The following UNC5B variants were observed in gnomAD, a reference collection of about 807,000 sequenced individuals.
The protein encoded by UNC5B is unc-5 netrin receptor B.
A neutral mutation model predicts 103.7 loss-of-function variants in UNC5B; 56 were observed. The observed-to-expected ratio is 0.54, with a 90% CI of 0.44 to 0.67. The LOEUF is 0.67. Ranked by LOEUF, UNC5B falls within the 30% of genes least tolerant of loss-of-function variation. The pLI, the probability that UNC5B is intolerant of heterozygous loss-of-function variation, is 0.00. For missense variants in UNC5B, 1,194 were observed against 1,284.5 expected, an observed-to-expected ratio of 0.93 and a Z score of 1.08; for synonymous variants, 577 against 542.0, an observed-to-expected ratio of 1.06 and a Z score of -0.90.
intron 8 of UNC5B, 93 bp from the exon 9 acceptor site, chr10:71,290,822 C>G (rs1160694153): frequency 1.4e-6 from 2 of 1,457,216 alleles, no homozygotes; most frequent in Non-Finnish European, 1.8e-6. Context: ...CCGGTTGGCC[C>G]TGGGCCCTGC....
chr10:71,274,235 C>T (rs777671970), intron 1 of UNC5B, among the ~76,000 whole-genome samples: 68 of 23,286 alleles, frequency 2.9e-3, no homozygotes, highest in Non-Finnish European at 0.016. Flanking sequence ...GTGGCGGGTG[C>T]CTGTAATCCC....
At chr10:71,220,437 T>C (rs1336352288) in intron 1 of UNC5B, among the ~76,000 whole-genome samples, 4 of 152,178 alleles carry the variant, frequency 2.6e-5, no homozygotes, top group South Asian at 2.1e-4. Flanking sequence ...TCACCACCTC[T>C]GGGAACCCCC....
chr10:71,295,360 A>G (rs12258920), intron 13 of UNC5B, among the ~76,000 whole-genome samples: 2 of 140,940 alleles, frequency 1.4e-5, no homozygotes, highest in African/African-American at 2.9e-5. Flanking sequence ...CCATCTGTCC[A>G]TCTGTTCATC....
At chr10:71,286,594 C>G in intron 4 of UNC5B, 95 bp from the exon 5 acceptor site, 1 of 1,495,016 alleles carries the variant, frequency 6.7e-7, no homozygotes, top group East Asian at 2.3e-5. Flanking sequence ...CTCACTGCCA[C>G]GACTATGGCG....
intron 1 of UNC5B, among the ~76,000 whole-genome samples, chr10:71,237,691 T>A (rs1411048998): frequency 6.6e-6 from 1 of 152,234 alleles, no homozygotes; most frequent in Non-Finnish European, 1.5e-5. Context: ...GCCTCCTGCC[T>A]CCATCTCCAG....
chr10:71,297,085 T>C (rs73278237), intron 15 of UNC5B, among the ~76,000 whole-genome samples: 3,293 of 148,568 alleles, frequency 0.022, 95 homozygotes, highest in African/African-American at 0.039. Context: ...ACCACGCTGG[T>C]GGAGGTGAGG....
intron 9 of UNC5B, 126 bp downstream of exon 9, chr10:71,291,235 T>G: frequency 7.4e-7 from 1 of 1,348,054 alleles, no homozygotes; most frequent in Non-Finnish European, 1.0e-6. Context: ...GCTCTAGAGA[T>G]AACTATGTGG....
At chr10:71,288,502 TG>T in intron 6 of UNC5B, 65 bp from the exon 7 acceptor site, 12 of 1,565,806 alleles carry the variant, frequency 7.7e-6, no homozygotes, top group Non-Finnish European at 9.5e-6. Context: ...TGCTCTGTTC[TG>T]CACACATAAC....
intron 10 of UNC5B, 118 bp downstream of exon 10, chr10:71,291,939 G>C: frequency 7.1e-7 from 1 of 1,402,018 alleles, no homozygotes; most frequent in Admixed American, 2.8e-5. Flanking sequence ...GATGGGGAAA[G>C]GGAGGCCTGA....
Position 71,212,904 on chromosome 10 carries a change from G to GCGGCGGCGGAGA in UNC5B, c.-72_-61dup. On this transcript the variant is annotated 5_prime_UTR_variant, in exon 1 of 17. Transcript: ENST00000335350. The stretch of plus-strand genomic sequence containing the variant: ...CGGGGAGGACGGCGAGGAGGAGGCG[G>GCGGCGGCGGAGA]CGGCGGCGGAGACGGCGGCGGCGAG... The GCGGCGGCGGAGA allele has an allele frequency of 8.9e-7, 1 of 1,127,606 alleles. No homozygotes were observed. Among genetic ancestry groups the GCGGCGGCGGAGA allele is most frequent in the Non-Finnish European group, 1.1e-6 (1 of 891,092 alleles). 69.9% of individuals were successfully genotyped at this position (1,127,606 alleles called of 1,614,324 possible).
intron 1 of UNC5B, among the ~76,000 whole-genome samples, chr10:71,248,578 T>C (rs1474080844): frequency 6.6e-6 from 1 of 152,178 alleles, no homozygotes; most frequent in Non-Finnish European, 1.5e-5. Flanking sequence ...ATTTATGTAT[T>C]AGGCAGAATG....
intron 13 of UNC5B, 116 bp from the exon 14 acceptor site, chr10:71,295,695 C>G (rs1199409928): frequency 6.2e-6 from 8 of 1,297,180 alleles, no homozygotes; most frequent in African/African-American, 1.5e-5. Context: ...TGAGCTCTTG[C>G]AAATGCCCAG....
chr10:71,247,563 C>T (rs1464969499), intron 1 of UNC5B, among the ~76,000 whole-genome samples: 2 of 152,204 alleles, frequency 1.3e-5, no homozygotes, highest in African/African-American at 4.8e-5. Flanking sequence ...AGCTCCCAGA[C>T]CTGACCCTCT....
chr10:71,287,529 G>A (rs940815332), intron 5 of UNC5B, 69 bp from the exon 6 acceptor site: 119 of 1,512,440 alleles, frequency 7.9e-5, no homozygotes, highest in Admixed American at 3.5e-4. Flanking sequence ...GTCAGGGTGA[G>A]GGACGGGTTT....
At position 71,213,838 on chromosome 10, in the gene UNC5B, G is replaced by C. The variant is rs970739053; in HGVS notation, c.79+774G>C. Among the ~76,000 whole-genome samples, 4 of 151,448 alleles carry C rather than the reference G, an allele frequency of 2.6e-5. No individual in the cohort carries two copies. The East Asian group carries it at 7.8e-4, about 29-fold the overall frequency. On this transcript the variant is annotated intron_variant, in intron 1 of 16. Coordinates refer to ENST00000335350, the MANE Select transcript of UNC5B (RefSeq NM_170744.5). The surrounding 1 kb of genome is among the most constrained non-coding windows in gnomAD (Gnocchi z 4.1). ...GGTCACTGACATTCTCGCTGTCCGG[G>C]GAACAGACTAGGTGCGCTCTCCTTG... is the stretch of plus-strand genomic sequence containing the variant.
intron 1 of UNC5B, among the ~76,000 whole-genome samples, chr10:71,242,369 G>A (rs1312946121): frequency 1.3e-5 from 2 of 152,224 alleles, no homozygotes; most frequent in African/African-American, 4.8e-5. Flanking sequence ...GAGGTCCCCC[G>A]AGCTAGTTCA....
intron 11 of UNC5B, among the ~76,000 whole-genome samples, chr10:71,292,945 A>G (rs1038915419): frequency 2.6e-5 from 4 of 152,186 alleles, no homozygotes; most frequent in Non-Finnish European, 4.4e-5. Context: ...AAAACTAATG[A>G]AAACCACCAC....
Position 71,299,109 on chromosome 10 carries a change from C to T in UNC5B, c.2673-3C>T, listed in dbSNP as rs374735979. The T allele has an allele frequency of 3.7e-6, 6 of 1,614,048 alleles. No homozygotes were observed. The highest frequency in any genetic ancestry group is 3.3e-5 in the Admixed American group (2 of 60,016). On this transcript the variant is annotated splice_region_variant and splice_polypyrimidine_tract_variant and intron_variant, in intron 16 of 16. Transcript: ENST00000335350. ...ACCTCAGTGCCCTCCTTCCCTCTGC[C>T]AGGTACCTGAATTACTTTGCCACCA...
At chr10:71,266,968 C>T (rs1683688367) in intron 1 of UNC5B, among the ~76,000 whole-genome samples, 1 of 152,016 alleles carries the variant, frequency 6.6e-6, no homozygotes, top group South Asian at 2.1e-4. Flanking sequence ...ATACACCATC[C>T]GTCACTTAGT....
Sources: allele counts gnomAD v4.1 joint callset (sites outside exome capture counted in the v4.1 genomes callset), GRCh38; gene constraint gnomAD v4.1.1; non-coding constraint Gnocchi (gnomAD v3.1); transcripts MANE v1.5; gene names NCBI Gene and HGNC (gene_info 2026-07-23, HGNC 2026-07-21).